ZNF891: variants seen among roughly 807,000 people sequenced by gnomAD.
ZNF891 encodes zinc finger protein 891.
For missense variants in ZNF891, 589 were observed against 632.7 expected (o/e 0.93, Z 0.74); for synonymous variants, 199 against 209.0 (o/e 0.95, Z 0.41).
rs577656657 is a variant in ZNF891, at chr12:133,117,055, A to G, written c.*3229T>C. 1.3e-5 allele frequency: 2 copies of G among 152,342 alleles called. No individual in the cohort carries two copies. The highest frequency in any genetic ancestry group is 4.1e-4 in the South Asian group (2 of 4,830). The allele number at this position is 152,342 out of a possible 1,614,324, so 9.4% of individuals were successfully genotyped here. A position where few individuals can be genotyped will look rare whatever the true frequency, so the allele number is the denominator to read the frequency against. ...TTAAATGACCTCTCCTCAATCACAT[A>G]GACTTTGCTACTTGCTTTGCTGTCT... On this transcript the variant is annotated 3_prime_UTR_variant, in exon 2 of 2. Transcript: ENST00000537226.
intron 1 of ZNF891, among the ~76,000 whole-genome samples, chr12:133,125,198 A>G (rs548920237): frequency 1.8e-4 from 27 of 152,252 alleles, no homozygotes; most frequent in Middle Eastern, 6.8e-3. Flanking sequence ...ACAGGGTGTC[A>G]CTATATTGGC....
chr12:133,105,619 T>C lies in ZNF891; in HGVS notation c.*14665A>G. On this transcript the variant is annotated 3_prime_UTR_variant, in exon 2 of 2. Transcript: ENST00000537226. ...GAATTCTAAGTCAAGGCCCTGTGTA[T>C]TCCAGTTTTAAAGGAGGCTGGAAAT... 1 of 1,614,202 alleles carries C rather than the reference T, an allele frequency of 6.2e-7. No homozygotes were observed. The highest frequency in any genetic ancestry group is 8.5e-7 in the Non-Finnish European group (1 of 1,180,036).
chr12:133,119,957 A>G lies in ZNF891; in HGVS notation c.*327T>C, dbSNP rs1418661410. ...AAATGTTTGGTTGGCTGCTAGCAAT[A>G]CCAGTCTCACTGGGCCAGAAAACAA... On this transcript the variant is annotated 3_prime_UTR_variant, in exon 2 of 2. Coordinates refer to ENST00000537226, the MANE Select transcript of ZNF891 (RefSeq NM_001277291.2). 2 of 196,132 alleles carry G rather than the reference A, an allele frequency of 1.0e-5. No homozygotes were observed. Among genetic ancestry groups the G allele is most frequent in the East Asian group, 2.5e-4 (2 of 8,024 alleles). 12.1% of individuals were successfully genotyped at this position (196,132 alleles called of 1,614,324 possible).
In ZNF891 at chr12:133,118,725, A is replaced by G. The variant is rs1008820409; in HGVS notation, c.*1559T>C. ...GTTGGGATACTCTTTTTGCTGTTCT[A>G]AACACTTGCTTTCAGTGATCTTGGT... On this transcript the variant is annotated 3_prime_UTR_variant, in exon 2 of 2. Coordinates refer to ENST00000537226, the MANE Select transcript of ZNF891 (RefSeq NM_001277291.2). 6.6e-6 allele frequency: 1 copy of G among 152,230 alleles called. No individual in the cohort carries two copies. The highest frequency in any genetic ancestry group is 1.5e-5 in the Non-Finnish European group (1 of 68,044). 9.4% of individuals were successfully genotyped at this position (152,230 alleles called of 1,614,324 possible). A position where few individuals can be genotyped will look rare whatever the true frequency, so the allele number is the denominator to read the frequency against.
rs963002823 is a variant in ZNF891 at position 133,116,794 on chromosome 12, A to G, written c.*3490T>C. On this transcript the variant is annotated 3_prime_UTR_variant, in exon 2 of 2. Transcript: ENST00000537226. The stretch of plus-strand genomic sequence containing the variant: ...TTTCCCTGAACATTTCCTTTCATTA[A>G]TTTAAACTTGGCTGTTCCCTGGGAA... The G allele has an allele frequency of 1.3e-5, 2 of 152,182 alleles. No individual in the cohort carries two copies. Among genetic ancestry groups the G allele is most frequent in the African/African-American group, 4.8e-5 (2 of 41,444 alleles). The allele number at this position is 152,182 out of a possible 1,614,324, so 9.4% of individuals were successfully genotyped here.
rs1439623387 is a variant in ZNF891 at position 133,116,039 on chromosome 12, T to C, written c.*4245A>G. 6.6e-6 allele frequency: 1 copy of C among 152,158 alleles called. No homozygotes were observed. Among genetic ancestry groups the C allele is most frequent in the Non-Finnish European group, 1.5e-5 (1 of 68,040 alleles). 9.4% of individuals were successfully genotyped at this position (152,158 alleles called of 1,614,324 possible). On this transcript the variant is annotated 3_prime_UTR_variant, in exon 2 of 2. Transcript: ENST00000537226. ...AAAATTAGAGTGTAAATTCCAGTCC[T>C]AACCAAGCAAAGTACAATCCCTTGC...
rs1190126463 is a variant in ZNF891 at position 133,110,861 on chromosome 12, G to GA, written c.*9422dup. 1 of 152,250 alleles carries GA rather than the reference G, an allele frequency of 6.6e-6. No individual in the cohort carries two copies. The highest frequency in any genetic ancestry group is 1.5e-5 in the Non-Finnish European group (1 of 68,116). The allele number at this position is 152,250 out of a possible 1,614,324, so 9.4% of individuals were successfully genotyped here. On this transcript the variant is annotated 3_prime_UTR_variant, in exon 2 of 2. Coordinates refer to ENST00000537226, the MANE Select transcript of ZNF891 (RefSeq NM_001277291.2). ...AGCTACTCATGGAGGCTGAGGCATG[G>GA]AGAATCACTTGAACCCAGGAGGTGG... is the stretch of plus-strand genomic sequence containing the variant.
Position 133,105,435 on chromosome 12 carries a change from A to G in ZNF891, c.*14849T>C. On this transcript the variant is annotated 3_prime_UTR_variant, in exon 2 of 2. Coordinates refer to ENST00000537226, the MANE Select transcript of ZNF891 (RefSeq NM_001277291.2). ...TTTTTTGAAACTTCATTCTGTTGCT[A>G]AAGAAGGGAGAAATGGCCTTATTTT... 2 of 1,422,516 alleles carry G rather than the reference A, an allele frequency of 1.4e-6. No individual in the cohort carries two copies. The highest frequency in any genetic ancestry group is 1.9e-6 in the Non-Finnish European group (2 of 1,072,218). The allele number at this position is 1,422,516 out of a possible 1,614,324, so 88.1% of individuals were successfully genotyped here.
At position 133,115,347 on chromosome 12, in the gene ZNF891, C is replaced by T. The variant is rs1215692051; in HGVS notation, c.*4937G>A. 2.3e-5 allele frequency: 3 copies of T among 129,904 alleles called. No homozygotes were observed. The highest frequency in any genetic ancestry group is 2.4e-4 in the South Asian group (1 of 4,204). The allele number at this position is 129,904 out of a possible 1,614,324, so 8.0% of individuals were successfully genotyped here. A position where few individuals can be genotyped will look rare whatever the true frequency, so the allele number is the denominator to read the frequency against. ...GGCAGAGGTTGCTGTGAGCCGAGAA[C>T]GTGCCACTGCACTCCAGCCTGGGAA... On this transcript the variant is annotated 3_prime_UTR_variant, in exon 2 of 2. Coordinates refer to ENST00000537226, the MANE Select transcript of ZNF891 (RefSeq NM_001277291.2).
chr12:133,122,218 A>G, intron 1 of ZNF891, 194 bp from the exon 2 acceptor site: 1 of 1,064,586 alleles, frequency 9.4e-7, no homozygotes, highest in Admixed American at 4.8e-5. Context: ...TGCCATCCTG[A>G]TTCTTTGTAC....
rs1466975195 is a variant in ZNF891 at position 133,117,435 on chromosome 12, G to GTA, written c.*2848_*2849insTA. 2 of 152,210 alleles carry GTA rather than the reference G, an allele frequency of 1.3e-5. No individual in the cohort carries two copies. The highest frequency in any genetic ancestry group is 4.8e-5 in the African/African-American group (2 of 41,450). 9.4% of individuals were successfully genotyped at this position (152,210 alleles called of 1,614,324 possible). ...ATATAGTTCACATATTCTGATCACT[G>GTA]CTTAGTACAGTTAGGTGTAAATAAA... On this transcript the variant is annotated 3_prime_UTR_variant, in exon 2 of 2. Coordinates refer to ENST00000537226, the MANE Select transcript of ZNF891 (RefSeq NM_001277291.2).
rs1955723092 is a variant in ZNF891, at chr12:133,117,689, A to G, written c.*2595T>C. 6.6e-6 allele frequency: 1 copy of G among 152,200 alleles called. No individual in the cohort carries two copies. The highest frequency in any genetic ancestry group is 2.4e-5 in the African/African-American group (1 of 41,458). 9.4% of individuals were successfully genotyped at this position (152,200 alleles called of 1,614,324 possible). ...TTCTAGTTTTTCATATTTTAAACAT[A>G]TTATCTCTTTACTCCAAATCTCTCC... On this transcript the variant is annotated 3_prime_UTR_variant, in exon 2 of 2. Transcript: ENST00000537226.
intron 1 of ZNF891, among the ~76,000 whole-genome samples, chr12:133,128,360 G>C (rs1301608321): frequency 6.6e-6 from 1 of 152,170 alleles, no homozygotes; most frequent in Non-Finnish European, 1.5e-5. Flanking sequence ...GGCCAGGCAC[G>C]GTGGCTCACG....
intron 1 of ZNF891, 34 bp downstream of exon 1, chr12:133,130,193 C>A (rs1955861934): frequency 6.6e-6 from 1 of 152,318 alleles, no homozygotes; most frequent in African/African-American, 2.4e-5. Flanking sequence ...AGGGACTTGT[C>A]CCGGGTGAAC....
rs528647448 is a variant in ZNF891, at chr12:133,112,719, A to G, written c.*7565T>C. On this transcript the variant is annotated 3_prime_UTR_variant, in exon 2 of 2. Coordinates refer to ENST00000537226, the MANE Select transcript of ZNF891 (RefSeq NM_001277291.2). ...CTGCCTAGAGTAAGAGGAAGTCTAA[A>G]AAGTATCCACACCCTTTATCAACAC... 1.3e-5 allele frequency: 2 copies of G among 152,352 alleles called. No homozygotes were observed. The highest frequency in any genetic ancestry group is 2.9e-5 in the Non-Finnish European group (2 of 68,036). 9.4% of individuals were successfully genotyped at this position (152,352 alleles called of 1,614,324 possible).
At position 133,115,156 on chromosome 12, in the gene ZNF891, G is replaced by C. The variant is rs1181066590; in HGVS notation, c.*5128C>G. On this transcript the variant is annotated 3_prime_UTR_variant, in exon 2 of 2. Coordinates refer to ENST00000537226, the MANE Select transcript of ZNF891 (RefSeq NM_001277291.2). Reference sequence around the variant, plus strand: ...GCCTCACAATCCCAACAATTTGGGAGGCTGAGGCAGGCGGATCACCTGAGG... The same window carrying C: ...GCCTCACAATCCCAACAATTTGGGACGCTGAGGCAGGCGGATCACCTGAGG... 6.6e-6 allele frequency: 1 copy of C among 152,110 alleles called. No individual in the cohort carries two copies. The highest frequency in any genetic ancestry group is 1.5e-5 in the Non-Finnish European group (1 of 68,046). 9.4% of individuals were successfully genotyped at this position (152,110 alleles called of 1,614,324 possible).
Position 133,121,372 on chromosome 12 carries a change from C to A in ZNF891, c.547G>T (p.Val183Leu). Residue 183 changes from valine to leucine, a missense_variant, in exon 2 of 2, where the codon GTA becomes TTA. Transcript: ENST00000537226. The part of the protein sequence containing the change: ...RQMIYAPKKT[V>L]PQELFRDYHE... ...TAGTCACGGAATAGCTCCTGAGGTA[C>A]TGTTTTCTTTGGGGCATATATCATT... The A allele has an allele frequency of 6.5e-7, 1 of 1,536,098 alleles. No homozygotes were observed. The highest frequency in any genetic ancestry group is 1.2e-5 in the South Asian group (1 of 84,066).
rs187638447 is a variant in ZNF891 at position 133,119,906 on chromosome 12, A to G, written c.*378T>C. 13 of 170,228 alleles carry G rather than the reference A, an allele frequency of 7.6e-5. No homozygotes were observed. The highest frequency in any genetic ancestry group is 7.2e-4 in the Admixed American group (13 of 17,990). The allele number at this position is 170,228 out of a possible 1,614,324, so 10.5% of individuals were successfully genotyped here. On this transcript the variant is annotated 3_prime_UTR_variant, in exon 2 of 2. Transcript: ENST00000537226. The stretch of plus-strand genomic sequence containing the variant: ...CCTTATTGTTCTTGGCTAAGATGGA[A>G]TTCATTAGTAAGGAAAGATGAGCTC...
At chr12:133,122,555 C>T (rs1349127244) in intron 1 of ZNF891, among the ~76,000 whole-genome samples, 7 of 152,156 alleles carry the variant, frequency 4.6e-5, no homozygotes, top group African/African-American at 1.7e-4. Flanking sequence ...TCAATGAGAA[C>T]ATACGGACAC....
Sources: allele counts gnomAD v4.1 joint callset (sites outside exome capture counted in the v4.1 genomes callset), GRCh38; gene constraint gnomAD v4.1.1; transcripts MANE v1.5; gene names NCBI Gene and HGNC (gene_info 2026-07-23, HGNC 2026-07-21).